Variants in VAX1 observed in about 807,000 individuals in gnomAD.
VAX1 encodes the protein ventral anterior homeobox 1.
VAX1 carries 6 observed loss-of-function variants against 17.6 expected under a neutral mutation model. The ratio of observed to expected loss-of-function variants is 0.34; its 90% CI spans 0.19 to 0.67. The LOEUF (loss-of-function observed/expected upper bound fraction) is 0.67, where lower values mean the gene tolerates loss of function less well. Among genes scored for constraint, VAX1 ranks in the 30% least tolerant of loss-of-function variants. The pLI, the probability that VAX1 is intolerant of heterozygous loss-of-function variation, is 0.69. For synonymous variants in VAX1, 256 were observed against 227.4 expected (o/e 1.13, Z -1.13); for missense variants, 408 against 463.7 (o/e 0.88, Z 1.10).
chr10:117,137,303 C>T lies in VAX1; in HGVS notation c.241+513G>A, dbSNP rs527774633. Among the ~76,000 whole-genome samples the T allele has an allele frequency of 4.4e-3, 672 of 152,246 alleles. 8 individuals carry two copies. Among genetic ancestry groups the T allele is most frequent in the African/African-American group, 0.016 (645 of 41,550 alleles). ...TCCGTAACCAAGCCCAGCTGCCTCT[C>T]CCGGCGGCAGCGGTCGGGCACCGAT... On this transcript the variant is annotated intron_variant, in intron 1 of 2. Coordinates refer to ENST00000369206, the MANE Select transcript of VAX1 (RefSeq NM_001112704.2). This position sits in a 1 kb window ranked among gnomAD's most constrained non-coding sequence, Gnocchi z 7.4.
Position 117,134,414 on chromosome 10 carries a change from C to T in VAX1, c.599G>A (p.Cys200Tyr), listed in dbSNP as rs1854141826. Residue 200 changes from cysteine (C) to tyrosine (Y), a missense_variant, in exon 3 of 3, where the codon TGC becomes TAC. Physicochemically the swap from Cys to Tyr is radical, Grantham distance 194. Transcript: ENST00000369206. The surrounding 1 kb of genome is among the most constrained non-coding windows in gnomAD (Gnocchi z 6.2). Reference sequence around the variant, plus strand: ...CGCTGAGCCGAGAGCGCCCGTGGCGCAAGGCGGCAGCAGCGCAGGCAGGCC... The same window carrying T: ...CGCTGAGCCGAGAGCGCCCGTGGCGTAAGGCGGCAGCAGCGCAGGCAGGCC... Reference protein sequence around the residue: ...PPGLPALLPPCATGALGSALR... With the variant: ...PPGLPALLPPYATGALGSALR... 1.3e-6 allele frequency: 2 copies of T among 1,491,848 alleles called. No homozygotes were observed. The highest frequency in any genetic ancestry group is 1.8e-6 in the Non-Finnish European group (2 of 1,127,702). The allele number at this position is 1,491,848 out of a possible 1,614,324, so 92.4% of individuals were successfully genotyped here.
At chr10:117,129,497 A>G (rs929732158), downstream of VAX1, 2 of 152,636 alleles carry the variant, frequency 1.3e-5, no homozygotes, top group East Asian at 3.8e-4. Context: ...TCTTAAAAAG[A>G]CTTCTTAAAA....
At chr10:117,131,239 C>A (rs1194563216), downstream of VAX1, 1 of 152,570 alleles carries the variant, frequency 6.6e-6, no homozygotes, top group Non-Finnish European at 1.5e-5. Flanking sequence ...AGAGAGAGAA[C>A]TCCTTAAAGG....
At chr10:117,132,529 A>G (rs1206171707), downstream of VAX1, 4 of 1,569,274 alleles carry the variant, frequency 2.5e-6, no homozygotes, top group South Asian at 4.7e-5. This position sits in a 1 kb window ranked among gnomAD's most constrained non-coding sequence, Gnocchi z 4.9. Flanking sequence ...GACGTAAATA[A>G]TTTACAATAA....
downstream of VAX1, chr10:117,130,520 G>A (rs910093668): frequency 2.0e-5 from 3 of 152,176 alleles, no homozygotes; most frequent in Non-Finnish European, 4.4e-5. Flanking sequence ...CCCTCCTGCA[G>A]CTGTTTCTCC....
Position 117,134,695 on chromosome 10 carries a change from A to T in VAX1, c.430-112T>A, listed in dbSNP as rs1854148350. The stretch of plus-strand genomic sequence containing the variant: ...GGGGCTCTCCCCAAGTCCCAGCCCT[A>T]TCCGCAGCCCCACCCAGCAGCCGGA... On this transcript the variant is annotated intron_variant, in intron 2 of 2. Coordinates refer to ENST00000369206, the MANE Select transcript of VAX1 (RefSeq NM_001112704.2). This position sits in a 1 kb window ranked among gnomAD's most constrained non-coding sequence, Gnocchi z 6.2. The T allele has an allele frequency of 9.0e-7, 1 of 1,116,030 alleles. No individual in the cohort carries two copies. The allele number at this position is 1,116,030 out of a possible 1,614,324, so 69.1% of individuals were successfully genotyped here. A position where few individuals can be genotyped will look rare whatever the true frequency, so the allele number is the denominator to read the frequency against.
At position 117,137,888 on chromosome 10, in the gene VAX1, C is replaced by T. The variant is rs1196124925; in HGVS notation, c.169G>A (p.Ala57Thr). Reference protein sequence around the residue: ...PQGAFSASGAAEDCNKSKSNS... With the variant: ...PQGAFSASGATEDCNKSKSNS... ...GATTTACTTTTGTTACAATCCTCAGCAGCGCCCGACGCTGAGAAGGCGCCC... is the reference window on the plus strand; with the variant it reads ...GATTTACTTTTGTTACAATCCTCAGTAGCGCCCGACGCTGAGAAGGCGCCC... Residue 57 changes from alanine (A) to threonine (T), a missense_variant, in exon 1 of 3, where the codon GCT becomes ACT. Transcript: ENST00000369206. The surrounding 1 kb of genome is among the most constrained non-coding windows in gnomAD (Gnocchi z 7.4). 6.2e-7 allele frequency: 1 copy of T among 1,613,826 alleles called. No individual in the cohort carries two copies. Among genetic ancestry groups the T allele is most frequent in the Admixed American group, 1.7e-5 (1 of 60,028 alleles).
downstream of VAX1, chr10:117,132,287 CTTTT>C (rs747723218): frequency 7.4e-6 from 12 of 1,613,982 alleles, no homozygotes; most frequent in Non-Finnish European, 8.5e-6. This position sits in a 1 kb window ranked among gnomAD's most constrained non-coding sequence, Gnocchi z 4.9. Flanking sequence ...TCCTTTTCTT[CTTTT>C]GTTTTTTTAT....
chr10:117,134,515 G>A lies in VAX1; in HGVS notation c.498C>T (p.Arg166=), dbSNP rs368175224. Residue 166 remains arginine (R), a synonymous_variant, in exon 3 of 3, where the codon CGC becomes CGT. Transcript: ENST00000369206. The surrounding 1 kb of genome is among the most constrained non-coding windows in gnomAD (Gnocchi z 6.2). Reference sequence around the variant, plus strand: ...TGGCCGCGGTCTCCGACACCACCGAGCGTAGCTCCGAGTCCTTGCCCTGGT... The same window carrying A: ...TGGCCGCGGTCTCCGACACCACCGAACGTAGCTCCGAGTCCTTGCCCTGGT... ...KKDQGKDSEL[R]SVVSETAATC... The A allele has an allele frequency of 6.5e-7, 1 of 1,532,578 alleles. No homozygotes were observed. Among genetic ancestry groups the A allele is most frequent in the East Asian group, 2.5e-5 (1 of 39,454 alleles). 94.9% of individuals were successfully genotyped at this position (1,532,578 alleles called of 1,614,324 possible).
At chr10:117,132,348 T>C (rs745429791), downstream of VAX1, 3 of 1,610,714 alleles carry the variant, frequency 1.9e-6, no homozygotes, top group African/African-American at 1.3e-5. This position sits in a 1 kb window ranked among gnomAD's most constrained non-coding sequence, Gnocchi z 4.9. Context: ...ATCATAGATA[T>C]ATATATTTCA....
Position 117,138,059 on chromosome 10 carries a change from G to C in VAX1, c.-3C>G. 1 of 1,330,016 alleles carries C rather than the reference G, an allele frequency of 7.5e-7. No homozygotes were observed. 82.4% of individuals were successfully genotyped at this position (1,330,016 alleles called of 1,614,324 possible). A position where few individuals can be genotyped will look rare whatever the true frequency, so the allele number is the denominator to read the frequency against. ...ATTTTGTCTGGTTTCCCGAACATAG[G>C]CAAGAACAACAACAAAAACAGAAAG... On this transcript the variant is annotated 5_prime_UTR_variant, in exon 1 of 3. Coordinates refer to ENST00000369206, the MANE Select transcript of VAX1 (RefSeq NM_001112704.2).
Position 117,134,167 on chromosome 10 carries a change from G to A in VAX1, c.846C>T (p.Gly282=), listed in dbSNP as rs1322547346. Residue 282 remains glycine (G), a synonymous_variant, in exon 3 of 3, where the codon GGC becomes GGT. Coordinates refer to ENST00000369206, the MANE Select transcript of VAX1 (RefSeq NM_001112704.2). This position sits in a 1 kb window ranked among gnomAD's most constrained non-coding sequence, Gnocchi z 6.2. ...CGGAGGACAGGCGGCTGGCGACGGA[G>A]CCGAGCAGCGAGGGCACCGGCAGGC... The part of the protein sequence containing the change: ...LFSLPVPSLL[G]SVASRLSSAP... 6.6e-7 allele frequency: 1 copy of A among 1,523,608 alleles called. No individual in the cohort carries two copies. The highest frequency in any genetic ancestry group is 8.8e-7 in the Non-Finnish European group (1 of 1,135,564). 94.4% of individuals were successfully genotyped at this position (1,523,608 alleles called of 1,614,324 possible).
intron 2 of VAX1, among the ~76,000 whole-genome samples, chr10:117,135,150 A>AC (rs976403009): frequency 3.0e-4 from 46 of 152,364 alleles, no homozygotes; most frequent in African/African-American, 1.0e-3. Context: ...AAGGCTACAA[A>AC]GGACCATTTC....
At chr10:117,132,849 C>A (rs1481832902), downstream of VAX1, among the ~76,000 whole-genome samples, 3 of 152,196 alleles carry the variant, frequency 2.0e-5, no homozygotes, top group African/African-American at 7.2e-5. This position sits in a 1 kb window ranked among gnomAD's most constrained non-coding sequence, Gnocchi z 4.9. Context: ...CCTGCCTCCC[C>A]TTCCGCAAAG....
At chr10:117,130,850 T>C (rs1354100491), downstream of VAX1, 1 of 152,500 alleles carries the variant, frequency 6.6e-6, no homozygotes, top group Non-Finnish European at 1.5e-5. Context: ...GCAGAAGTTA[T>C]GAGGTGACTT....
At chr10:117,132,280 T>G (rs887668839), downstream of VAX1, 1 of 1,614,002 alleles carries the variant, frequency 6.2e-7, no homozygotes, top group African/African-American at 1.3e-5. This position sits in a 1 kb window ranked among gnomAD's most constrained non-coding sequence, Gnocchi z 4.9. Flanking sequence ...TCTTTCTTCC[T>G]TTTCTTCTTT....
Position 117,133,301 on chromosome 10 carries a change from A to T in VAX1, c.*707T>A. On this transcript the variant is annotated 3_prime_UTR_variant, in exon 3 of 3. Transcript: ENST00000369206. ...GGTTCCACTTCATCTGGTTTTACGTAGCAATTGCTTTTATTGCTGATTAGA... is the reference window on the plus strand; with the variant it reads ...GGTTCCACTTCATCTGGTTTTACGTTGCAATTGCTTTTATTGCTGATTAGA... 1 of 985,406 alleles carries T rather than the reference A, an allele frequency of 1.0e-6. No individual in the cohort carries two copies. Among genetic ancestry groups the T allele is most frequent in the Non-Finnish European group, 1.2e-6 (1 of 829,920 alleles). 61.0% of individuals were successfully genotyped at this position (985,406 alleles called of 1,614,324 possible).
rs1421996564 is a variant in VAX1, at chr10:117,134,197, G to A, written c.816C>T (p.Leu272=). 3.8e-5 allele frequency: 57 copies of A among 1,511,670 alleles called. No individual in the cohort carries two copies. The highest frequency in any genetic ancestry group is 5.8e-5 in the African/African-American group (4 of 69,452). 93.6% of individuals were successfully genotyped at this position (1,511,670 alleles called of 1,614,324 possible). The part of the protein sequence containing the change: ...HAGAPAAGHS[L]FSLPVPSLLG... ...GCAGCGAGGGCACCGGCAGGCTGAAGAGGCTGTGGCCCGCGGCCGGGGCGC... is the reference window on the plus strand; with the variant it reads ...GCAGCGAGGGCACCGGCAGGCTGAAAAGGCTGTGGCCCGCGGCCGGGGCGC... The change falls in exon 3 of 3, where the codon CTC becomes CTT. Residue 272 remains leucine (L), a synonymous_variant. Coordinates refer to ENST00000369206, the MANE Select transcript of VAX1 (RefSeq NM_001112704.2). The surrounding 1 kb of genome is among the most constrained non-coding windows in gnomAD (Gnocchi z 6.2).
Position 117,134,292 on chromosome 10 carries a change from A to T in VAX1, c.721T>A (p.Ser241Thr). ...CCGCCCACAGCCGGCGGGTGCGGGG[A>T]TGCAGCGCCCGCTGGGCCCGGGGCG... ...AAAPGPAGAA[S>T]PHPPAVGGAP... The change falls in exon 3 of 3, where the codon TCC becomes ACC. Residue 241 changes from serine (S) to threonine (T), a missense_variant. Transcript: ENST00000369206. This position sits in a 1 kb window ranked among gnomAD's most constrained non-coding sequence, Gnocchi z 6.2. The T allele has an allele frequency of 8.4e-7, 1 of 1,190,242 alleles. No homozygotes were observed. Among genetic ancestry groups the T allele is most frequent in the Non-Finnish European group, 1.0e-6 (1 of 962,744 alleles). The allele number at this position is 1,190,242 out of a possible 1,614,324, so 73.7% of individuals were successfully genotyped here.
Sources: allele counts gnomAD v4.1 joint callset (sites outside exome capture counted in the v4.1 genomes callset), GRCh38; gene constraint gnomAD v4.1.1; non-coding constraint Gnocchi (gnomAD v3.1); transcripts MANE v1.5; gene names NCBI Gene and HGNC (gene_info 2026-07-23, HGNC 2026-07-21).